Variants in SLC44A1 observed in about 807,000 individuals in gnomAD.
SLC44A1 encodes the protein solute carrier family 44 member 1.
Under a neutral mutation model 79.3 loss-of-function variants are expected in SLC44A1, and 26 were observed. The observed-to-expected ratio is 0.33, with a 90% CI of 0.24 to 0.46. SLC44A1 has a LOEUF of 0.46. Among genes scored for constraint, SLC44A1 ranks in the 20% least tolerant of loss-of-function variants. The pLI, the probability that SLC44A1 is intolerant of heterozygous loss-of-function variation, is 1.00. For synonymous variants in SLC44A1, 263 were observed against 286.2 expected (o/e 0.92, Z 0.82); for missense variants, 688 against 798.1 (o/e 0.86, Z 1.66).
At chr9:105,364,769 G>A in intron 10 of SLC44A1, 49 bp downstream of exon 10, 1 of 1,493,678 alleles carries the variant, frequency 6.7e-7, no homozygotes, top group South Asian at 1.2e-5. Context: ...AAGGGATGGT[G>A]TCCGCAGGCT....
chr9:105,376,392 A>T (rs1169715902), intron 13 of SLC44A1, among the ~76,000 whole-genome samples: 4 of 142,780 alleles, frequency 2.8e-5, no homozygotes, highest in African/African-American at 5.5e-5. Flanking sequence ...TTTTTTTTCC[A>T]GATGGAGTTT....
At chr9:105,302,649 G>C (rs1467838645) in intron 2 of SLC44A1, among the ~76,000 whole-genome samples, 1 of 149,430 alleles carries the variant, frequency 6.7e-6, no homozygotes, top group East Asian at 2.0e-4. Context: ...ACTGTGCCCA[G>C]CCTAGAATTA....
Position 105,390,910 on chromosome 9 carries a change from G to C in SLC44A1, c.*1854G>C. 1.0e-6 allele frequency: 1 copy of C among 981,804 alleles called. No homozygotes were observed. Among genetic ancestry groups the C allele is most frequent in the South Asian group, 4.7e-5 (1 of 21,174 alleles). The allele number at this position is 981,804 out of a possible 1,614,324, so 60.8% of individuals were successfully genotyped here. A position where few individuals can be genotyped will look rare whatever the true frequency, so the allele number is the denominator to read the frequency against. On this transcript the variant is annotated 3_prime_UTR_variant, in exon 16 of 16. Coordinates refer to ENST00000374720, the MANE Select transcript of SLC44A1 (RefSeq NM_080546.5). ...ATCTAATATCTAGTATCACCAAACA[G>C]TATCGCTGTTCTCTTTTATTCATTT...
At chr9:105,289,549 C>T (rs546959474) in intron 1 of SLC44A1, among the ~76,000 whole-genome samples, 1 of 152,258 alleles carries the variant, frequency 6.6e-6, no homozygotes, top group Non-Finnish European at 1.5e-5. Flanking sequence ...GGAAGGGAAC[C>T]TAGTTCACCT....
intron 1 of SLC44A1, among the ~76,000 whole-genome samples, chr9:105,295,687 T>G (rs975480150): frequency 1.3e-5 from 2 of 152,200 alleles, no homozygotes; most frequent in Non-Finnish European, 2.9e-5. Flanking sequence ...AGGTTATTGC[T>G]TTTTACTAAC....
At chr9:105,285,214 T>C (rs1830446829) in intron 1 of SLC44A1, among the ~76,000 whole-genome samples, 1 of 152,238 alleles carries the variant, frequency 6.6e-6, no homozygotes, top group Non-Finnish European at 1.5e-5. Flanking sequence ...TTAAGTATTA[T>C]TGTTTTTGAA....
intron 15 of SLC44A1, among the ~76,000 whole-genome samples, chr9:105,422,398 C>G (rs1166297868): frequency 1.3e-5 from 2 of 149,622 alleles, no homozygotes; most frequent in Admixed American, 6.8e-5. Context: ...AAGCAATTCT[C>G]CTGCCTCAGC....
At chr9:105,345,902 A>G (rs1165548056) in intron 4 of SLC44A1, among the ~76,000 whole-genome samples, 1 of 152,012 alleles carries the variant, frequency 6.6e-6, no homozygotes, top group African/African-American at 2.4e-5. Flanking sequence ...ACTCATGTAT[A>G]ACTTTTACCT....
chr9:105,392,136 G>A lies in SLC44A1; in HGVS notation c.*3080G>A. The A allele has an allele frequency of 1.1e-5, 11 of 985,418 alleles. No homozygotes were observed. The highest frequency in any genetic ancestry group is 1.3e-5 in the Non-Finnish European group (11 of 829,902). The allele number at this position is 985,418 out of a possible 1,614,324, so 61.0% of individuals were successfully genotyped here. A position where few individuals can be genotyped will look rare whatever the true frequency, so the allele number is the denominator to read the frequency against. ...ATTAGCAATTTAGCTAGAGCACTGA[G>A]ATTGTATAATCCTTGCATGGATGAG... On this transcript the variant is annotated 3_prime_UTR_variant, in exon 16 of 16. Coordinates refer to ENST00000374720, the MANE Select transcript of SLC44A1 (RefSeq NM_080546.5).
intron 15 of SLC44A1, among the ~76,000 whole-genome samples, chr9:105,408,394 G>C (rs1265818118): frequency 1.4e-5 from 2 of 142,958 alleles, no homozygotes; most frequent in Non-Finnish European, 3.0e-5. Context: ...TTTTTTGTTT[G>C]TCACTCATTT....
chr9:105,282,310 C>T (rs1431724732), intron 1 of SLC44A1, among the ~76,000 whole-genome samples: 2 of 151,324 alleles, frequency 1.3e-5, no homozygotes, highest in African/African-American at 2.4e-5. Flanking sequence ...GTTCACTGTT[C>T]CCCCTCACTT....
chr9:105,392,399 CTCTCT>C lies in SLC44A1; in HGVS notation c.*3345_*3349del, dbSNP rs1564048399. ...TTTTGTAGAGATGCTCTCTCTCTCT[CTCTCT>C]TTTTTTTTTTTTTTTTTTTTTTTTT... On this transcript the variant is annotated 3_prime_UTR_variant, in exon 16 of 16. Transcript: ENST00000374720. 2.4e-6 allele frequency: 2 copies of C among 818,438 alleles called. No individual in the cohort carries two copies. The highest frequency in any genetic ancestry group is 2.4e-5 in the African/African-American group (1 of 42,206). 50.7% of individuals were successfully genotyped at this position (818,438 alleles called of 1,614,324 possible).
chr9:105,311,745 A>C (rs1831186056), intron 3 of SLC44A1, among the ~76,000 whole-genome samples: 1 of 152,184 alleles, frequency 6.6e-6, no homozygotes, highest in Admixed American at 6.5e-5. Context: ...ATCTTCTCTT[A>C]CTGTATGACC....
At chr9:105,433,823 A>G (rs1398414294) in intron 15 of SLC44A1, among the ~76,000 whole-genome samples, 1 of 152,084 alleles carries the variant, frequency 6.6e-6, no homozygotes. Flanking sequence ...AAGCATTTCA[A>G]TGACAAGATC....
intron 13 of SLC44A1, among the ~76,000 whole-genome samples, chr9:105,378,376 CATTT>C (rs1296554839): frequency 1.3e-5 from 2 of 152,146 alleles, no homozygotes; most frequent in African/African-American, 4.8e-5. Flanking sequence ...ACTGTTGTGT[CATTT>C]ATTTAATCAA....
chr9:105,384,829 A>T (rs754788211), intron 14 of SLC44A1, among the ~76,000 whole-genome samples: 12 of 152,210 alleles, frequency 7.9e-5, no homozygotes, highest in Non-Finnish European at 1.3e-4. Context: ...CTTTGGGCAC[A>T]TTCCCATTTC....
chr9:105,316,921 C>T (rs1831343182), intron 3 of SLC44A1, among the ~76,000 whole-genome samples: 2 of 152,194 alleles, frequency 1.3e-5, no homozygotes, highest in Non-Finnish European at 2.9e-5. Context: ...CAACGAAGTT[C>T]TGTAAATCAG....
At chr9:105,319,500 C>G (rs1826318512) in intron 3 of SLC44A1, among the ~76,000 whole-genome samples, 1 of 152,114 alleles carries the variant, frequency 6.6e-6, no homozygotes, top group Non-Finnish European at 1.5e-5. Context: ...TGTTGGGACT[C>G]CATTATATGG....
intron 2 of SLC44A1, among the ~76,000 whole-genome samples, chr9:105,306,456 G>T: frequency 6.6e-6 from 1 of 151,594 alleles, no homozygotes; most frequent in African/African-American, 2.4e-5. Context: ...ATTATATTTG[G>T]CCTACTTCCC....
Sources: gnomAD v4.1 joint callset for allele counts (sites outside exome capture counted in the v4.1 genomes callset) on GRCh38, gnomAD v4.1.1 for gene constraint, MANE v1.5 for transcripts, NCBI Gene and HGNC (gene_info 2026-07-23, HGNC 2026-07-21) for gene names.